MTRF1L: variants seen among roughly 807,000 people sequenced by gnomAD.
The protein encoded by MTRF1L is peptide chain release factor 1-like, mitochondrial.
Under a neutral mutation model 40.0 loss-of-function variants are expected in MTRF1L, and 29 were observed. The observed-to-expected ratio is 0.73, with a 90% confidence interval of 0.54 to 0.99. MTRF1L has a LOEUF of 0.99. MTRF1L is among the 50% of genes least tolerant of loss of function. MTRF1L has a pLI of 0.00. For synonymous variants in MTRF1L, 150 were observed against 175.8 expected (o/e 0.85, Z 1.16); for missense variants, 412 against 464.5 (o/e 0.89, Z 1.04).
In MTRF1L at chr6:152,991,291, G is replaced by C. The variant is rs761259625; in HGVS notation, c.836C>G (p.Ser279Cys). ...AGCCAGCTCTTTATTTTTCAGCTGA[G>C]ATCTCTCTTGTTGACATTCAGAAAC... is the stretch of plus-strand genomic sequence containing the variant. ...GVVSECQQER[S>C]QLKNKELAMT... The change falls in exon 6 of 7, where the codon TCT (serine) becomes TGT (cysteine). Residue 279 changes from serine to cysteine, a missense_variant. Coordinates refer to ENST00000367233, the MANE Select transcript of MTRF1L (RefSeq NM_019041.7). The C allele has an allele frequency of 1.2e-6, 2 of 1,602,236 alleles. No individual in the cohort carries two copies. Among genetic ancestry groups the C allele is most frequent in the African/African-American group, 2.7e-5 (2 of 74,372 alleles).
rs1192777042 is a variant in MTRF1L at position 152,992,866 on chromosome 6, G to A, written c.796C>T (p.Leu266Phe). The A allele has an allele frequency of 1.9e-6, 3 of 1,610,402 alleles. No individual in the cohort carries two copies. The highest frequency in any genetic ancestry group is 2.7e-5 in the African/African-American group (2 of 74,828). ...TTDSAVRIVH[L>F]PTGVVSECQQ... ...AGGAATAAGTACACACCTGTTGGAAGATGAACTATCCGGACAGCACTGTCC... is the reference window on the plus strand; with the variant it reads ...AGGAATAAGTACACACCTGTTGGAAAATGAACTATCCGGACAGCACTGTCC... The change falls in exon 5 of 7, where the codon CTT (leucine) becomes TTT (phenylalanine). Residue 266 changes from leucine to phenylalanine, a missense_variant. By Grantham distance (22) the Leu-to-Phe change is conservative (BLOSUM62 0). Transcript: ENST00000367233.
intron 1 of MTRF1L, among the ~76,000 whole-genome samples, chr6:152,998,936 T>C (rs1036718816): frequency 6.6e-6 from 1 of 152,196 alleles, no homozygotes; most frequent in Admixed American, 6.5e-5. Context: ...CCATGAAATA[T>C]TCACCTTAAT....
At chr6:152,997,658 G>T (rs1050450765) in intron 2 of MTRF1L, among the ~76,000 whole-genome samples, 1 of 152,072 alleles carries the variant, frequency 6.6e-6, no homozygotes, top group African/African-American at 2.4e-5. Context: ...CATTCTAGGG[G>T]CCAAAGAACA....
At chr6:152,990,748 C>A (rs1422734098) in intron 6 of MTRF1L, among the ~76,000 whole-genome samples, 1 of 152,096 alleles carries the variant, frequency 6.6e-6, no homozygotes, top group African/African-American at 2.4e-5. Flanking sequence ...TGCTTGAACC[C>A]AGGGGGTGGA....
At chr6:152,995,951 C>T (rs893607393) in intron 2 of MTRF1L, among the ~76,000 whole-genome samples, 39 of 152,256 alleles carry the variant, frequency 2.6e-4, no homozygotes, top group Admixed American at 1.9e-3. Context: ...GATCAGTCTT[C>T]CCTCCATTAC....
intron 1 of MTRF1L, among the ~76,000 whole-genome samples, chr6:152,999,511 T>C (rs1778836084): frequency 1.3e-5 from 2 of 152,202 alleles, no homozygotes; most frequent in Admixed American, 6.5e-5. Flanking sequence ...TAAACCCTTA[T>C]GTGACATGGT....
chr6:152,994,480 C>T (rs373567855), intron 4 of MTRF1L, 33 bp downstream of exon 4: 40 of 1,576,068 alleles, frequency 2.5e-5, no homozygotes, highest in Admixed American at 5.4e-5. Context: ...TGTGCTAGGC[C>T]CGGGATTCCA....
chr6:152,997,017 A>G (rs1234350087), intron 2 of MTRF1L, among the ~76,000 whole-genome samples: 2 of 152,180 alleles, frequency 1.3e-5, no homozygotes, highest in Non-Finnish European at 2.9e-5. Context: ...AGCAATATGA[A>G]CTCTGTTAAA....
In MTRF1L at chr6:153,002,678, G is replaced by T. The variant is rs1183170299; in HGVS notation, c.8C>A (p.Ser3Tyr). The change falls in exon 1 of 7, where the codon TCC becomes TAC. Residue 3 changes from serine (S) to tyrosine (Y), a missense_variant. Ser to Tyr is a moderately radical substitution (Grantham distance 144, BLOSUM62 -2). Coordinates refer to ENST00000367233, the MANE Select transcript of MTRF1L (RefSeq NM_019041.7). MR[S>Y]RVLWGAARWL... ...CCGGGCAGCGCCCCACAGAACCCGG[G>T]ACCGCATCCTTAGTCCGAGATCGCG... 1 of 1,488,310 alleles carries T rather than the reference G, an allele frequency of 6.7e-7. No homozygotes were observed. The highest frequency in any genetic ancestry group is 2.7e-5 in the Admixed American group (1 of 37,258). 92.2% of individuals were successfully genotyped at this position (1,488,310 alleles called of 1,614,324 possible).
intron 6 of MTRF1L, 44 bp from the exon 7 acceptor site, chr6:152,990,139 A>G: frequency 6.3e-7 from 1 of 1,580,416 alleles, no homozygotes; most frequent in Non-Finnish European, 8.6e-7. Context: ...ATTCAGGGCA[A>G]TTTAAACCTA....
rs1175607244 is a variant in MTRF1L at position 153,002,470 on chromosome 6, G to C, written c.216C>G (p.Asn72Lys). The change falls in exon 1 of 7, where the codon AAC becomes AAG. Residue 72 changes from asparagine (N) to lysine (K), a missense_variant. Asn to Lys is a moderately conservative substitution (Grantham distance 94, BLOSUM62 0). Coordinates refer to ENST00000367233, the MANE Select transcript of MTRF1L (RefSeq NM_019041.7). The part of the protein sequence containing the change: ...PELLAVIKLL[N>K]EKERELRETE... ...TCTCCCGCAGCTCCCGCTCCTTCTC[G>C]TTCAGCAGTTTGATCACCGCCAGCA... is the stretch of plus-strand genomic sequence containing the variant. 6.2e-7 allele frequency: 1 copy of C among 1,613,850 alleles called. No individual in the cohort carries two copies. The highest frequency in any genetic ancestry group is 1.3e-5 in the African/African-American group (1 of 75,042).
At chr6:153,001,577 T>C (rs1304418861) in intron 1 of MTRF1L, among the ~76,000 whole-genome samples, 1 of 152,244 alleles carries the variant, frequency 6.6e-6, no homozygotes, top group Non-Finnish European at 1.5e-5. Flanking sequence ...CCAACTTTTA[T>C]ACTTTCATCT....
At chr6:152,991,460 A>G (rs1778513957) in intron 5 of MTRF1L, 139 bp from the exon 6 acceptor site, 1 of 1,027,194 alleles carries the variant, frequency 9.7e-7, no homozygotes, top group Admixed American at 3.6e-5. Context: ...AAAAAGGGAG[A>G]GACTATAAGC....
intron 6 of MTRF1L, 150 bp downstream of exon 6, chr6:152,991,035 T>G: frequency 2.0e-6 from 1 of 496,026 alleles, no homozygotes; most frequent in Non-Finnish European, 3.5e-6. Flanking sequence ...AGATGTAAGA[T>G]TACTATCAAA....
At chr6:152,999,140 G>A (rs1707203178) in intron 1 of MTRF1L, among the ~76,000 whole-genome samples, 1 of 152,156 alleles carries the variant, frequency 6.6e-6, no homozygotes, top group African/African-American at 2.4e-5. Context: ...TCTGCCTAAT[G>A]TATACAGAAT....
intron 6 of MTRF1L, 29 bp from the exon 7 acceptor site, chr6:152,990,124 G>C (rs978639925): frequency 1.2e-6 from 2 of 1,604,448 alleles, no homozygotes; most frequent in Non-Finnish European, 1.7e-6. Flanking sequence ...ATGAGATGCA[G>C]CTAGATTCAG....
At chr6:152,999,664 C>T (rs1400727861) in intron 1 of MTRF1L, among the ~76,000 whole-genome samples, 2 of 152,162 alleles carry the variant, frequency 1.3e-5, no homozygotes, top group African/African-American at 2.4e-5. Context: ...ATAAGTCTTA[C>T]AAGATCTGAT....
intron 3 of MTRF1L, 165 bp from the exon 4 acceptor site, chr6:152,994,841 A>G: frequency 1.1e-6 from 1 of 931,734 alleles, no homozygotes; most frequent in Non-Finnish European, 1.6e-6. Flanking sequence ...ATTTATCTTT[A>G]CTGCTTACAA....
intron 6 of MTRF1L, 175 bp from the exon 7 acceptor site, chr6:152,990,270 C>A: frequency 2.1e-6 from 2 of 938,444 alleles, no homozygotes; most frequent in African/African-American, 1.7e-5. Context: ...AAAAAGAACA[C>A]GTGCTCTAAA....
Sources: gnomAD v4.1 joint callset for allele counts (sites outside exome capture counted in the v4.1 genomes callset) on GRCh38, gnomAD v4.1.1 for gene constraint, MANE v1.5 for transcripts, NCBI Gene and HGNC (gene_info 2026-07-23, HGNC 2026-07-21) for gene names.